The following NPSR1 variants were observed in gnomAD, a reference collection of about 807,000 sequenced individuals.
The protein encoded by NPSR1 is neuropeptide S receptor.
Under a neutral mutation model 46.9 loss-of-function variants are expected in NPSR1, and 48 were observed. The ratio of observed to expected loss-of-function variants is 1.02; its 90% CI spans 0.81 to 1.30. The LOEUF (loss-of-function observed/expected upper bound fraction) is 1.30, where lower values mean the gene tolerates loss of function less well. Ranked by LOEUF, NPSR1 falls within the 50% of genes most tolerant of loss-of-function variation. The pLI, the probability that NPSR1 is intolerant of heterozygous loss-of-function variation, is 0.00. For missense variants in NPSR1, 450 were observed against 449.5 expected (o/e 1.00, Z -0.01); for synonymous variants, 176 against 168.1 (o/e 1.05, Z -0.36).
chr7:34,729,826 G>A (rs1484390140), intron 2 of NPSR1, among the ~76,000 whole-genome samples: 2 of 152,206 alleles, frequency 1.3e-5, no homozygotes, highest in Non-Finnish European at 2.9e-5. Flanking sequence ...AGGCTGGAGT[G>A]CAATGGCACG....
At chr7:34,682,491 C>T (rs989449889) in intron 1 of NPSR1, among the ~76,000 whole-genome samples, 1 of 152,178 alleles carries the variant, frequency 6.6e-6, no homozygotes, top group South Asian at 2.1e-4. Flanking sequence ...GTCAGTGAGA[C>T]CTTCTGATGG....
At chr7:34,660,061 G>A (rs1791378446) in intron 1 of NPSR1, 5 of 455,332 alleles carry the variant, frequency 1.1e-5, no homozygotes, top group South Asian at 6.2e-5. Context: ...AGGGATATTT[G>A]GAATATGTGA....
chr7:34,799,002 T>C (rs1255832297), intron 3 of NPSR1, among the ~76,000 whole-genome samples: 1 of 151,604 alleles, frequency 6.6e-6, no homozygotes, highest in Non-Finnish European at 1.5e-5. Flanking sequence ...TATTAGAAAA[T>C]AAAAAAATGT....
chr7:34,835,937 G>A (rs570649785), intron 6 of NPSR1, among the ~76,000 whole-genome samples: 4 of 152,238 alleles, frequency 2.6e-5, no homozygotes, highest in Non-Finnish European at 4.4e-5. Flanking sequence ...TTATTATTTC[G>A]GAAAAGCTCT....
chr7:34,824,994 G>T (rs1046090742), intron 4 of NPSR1, among the ~76,000 whole-genome samples: 12 of 152,044 alleles, frequency 7.9e-5, no homozygotes, highest in African/African-American at 2.9e-4. Flanking sequence ...TTAGGGACCA[G>T]CTCCCCTATG....
chr7:34,742,283 C>T (rs1057403545), intron 2 of NPSR1, among the ~76,000 whole-genome samples: 3 of 151,970 alleles, frequency 2.0e-5, no homozygotes, highest in Non-Finnish European at 2.9e-5. Flanking sequence ...AAGCCCAGTA[C>T]CCAATAGTTA....
chr7:34,839,855 G>A (rs989092619), intron 6 of NPSR1, among the ~76,000 whole-genome samples: 2 of 152,048 alleles, frequency 1.3e-5, no homozygotes, highest in Non-Finnish European at 2.9e-5. Context: ...CAAGGTTTGG[G>A]GTGGTAGACA....
intron 6 of NPSR1, among the ~76,000 whole-genome samples, chr7:34,842,018 A>C (rs935214821): frequency 6.6e-6 from 1 of 152,218 alleles, no homozygotes. Context: ...CAAACGTAAT[A>C]ATACCTTCTG....
At chr7:34,718,914 G>A (rs1356027107) in intron 2 of NPSR1, 1 of 152,214 alleles carries the variant, frequency 6.6e-6, no homozygotes, top group African/African-American at 2.4e-5. Flanking sequence ...AAGATTGGGA[G>A]ATAATCATCT....
intron 2 of NPSR1, chr7:34,758,181 T>C (rs1785969352): frequency 6.6e-6 from 1 of 152,646 alleles, no homozygotes; most frequent in Non-Finnish European, 1.5e-5. Context: ...AGAAAGTGCC[T>C]GCAGCAGTGG....
At chr7:34,751,795 G>A in intron 2 of NPSR1, 8 of 1,586,516 alleles carry the variant, frequency 5.0e-6, no homozygotes, top group Non-Finnish European at 6.9e-6. Context: ...CCATATCTGG[G>A]CACAGATCAC....
chr7:34,725,141 T>TCA (rs1209034062), intron 2 of NPSR1, among the ~76,000 whole-genome samples: 3 of 135,622 alleles, frequency 2.2e-5, no homozygotes, highest in Non-Finnish European at 5.0e-5. Flanking sequence ...ACACACACAC[T>TCA]CACACACACA....
Position 34,848,541 on chromosome 7 carries a change from C to T in NPSR1, c.903C>T (p.Leu301=). The part of the protein sequence containing the change: ...FLFDILDNFN[L]LPDTQERFYA... ...TTGACATTTTGGACAATTTCAACCT[C>T]CTTCCAGACACCCAGGAGCGTTTCT... Residue 301 remains leucine, a synonymous_variant, in exon 8 of 9, where the codon CTC becomes CTT. Transcript: ENST00000360581. 2.5e-6 allele frequency: 4 copies of T among 1,614,184 alleles called. No homozygotes were observed.
At chr7:34,779,992 T>C (rs1004704176) in intron 3 of NPSR1, among the ~76,000 whole-genome samples, 4 of 152,130 alleles carry the variant, frequency 2.6e-5, no homozygotes, top group Non-Finnish European at 1.5e-5. Flanking sequence ...AGGTGGTAAA[T>C]TAGTACTGGC....
chr7:34,692,716 A>C (rs915711988), intron 2 of NPSR1, among the ~76,000 whole-genome samples: 1 of 152,282 alleles, frequency 6.6e-6, no homozygotes, highest in East Asian at 1.9e-4. Context: ...TCAGAGCACA[A>C]TGACATGAGA....
intron 2 of NPSR1, 56 bp downstream of exon 2, chr7:34,684,740 C>A: frequency 7.2e-7 from 1 of 1,391,704 alleles, no homozygotes; most frequent in South Asian, 1.7e-5. Flanking sequence ...CCTATGGCTT[C>A]CTGCTTTTAA....
At chr7:34,867,356 A>T (rs1353540491) in intron 8 of NPSR1, among the ~76,000 whole-genome samples, 1 of 151,834 alleles carries the variant, frequency 6.6e-6, no homozygotes, top group Non-Finnish European at 1.5e-5. Flanking sequence ...ATCCCAGCTG[A>T]TGCCTCACAA....
At chr7:34,735,137 G>A (rs765434498) in intron 2 of NPSR1, among the ~76,000 whole-genome samples, 2 of 152,200 alleles carry the variant, frequency 1.3e-5, no homozygotes, top group Non-Finnish European at 2.9e-5. Flanking sequence ...AAAGATAATT[G>A]AGATAGTGTT....
chr7:34,713,128 G>A (rs534663539), intron 2 of NPSR1, among the ~76,000 whole-genome samples: 142 of 152,254 alleles, frequency 9.3e-4, no homozygotes, highest in African/African-American at 3.2e-3. Flanking sequence ...TGAGCAGAGC[G>A]GCTACTGTTC....
Sources: gnomAD v4.1 joint callset for allele counts (sites outside exome capture counted in the v4.1 genomes callset) on GRCh38, gnomAD v4.1.1 for gene constraint, MANE v1.5 for transcripts, NCBI Gene and HGNC (gene_info 2026-07-23, HGNC 2026-07-21) for gene names.